Variants in DLG4 observed in about 807,000 individuals in gnomAD.
The protein encoded by DLG4 is discs large MAGUK scaffold protein 4.
DLG4 carries 7 observed loss-of-function variants against 93.8 expected under a neutral mutation model. That is an observed-to-expected ratio of 0.07 (90% CI 0.04 to 0.14). The LOEUF is 0.14. DLG4 is among the 10% of genes least tolerant of loss of function. DLG4 has a pLI of 1.00. For missense variants in DLG4, 545 were observed against 992.9 expected (o/e 0.55, Z 6.06); for synonymous variants, 341 against 387.6 (o/e 0.88, Z 1.41).
Position 7,193,943 on chromosome 17 carries a change from C to A in DLG4, c.1515+21G>T, listed in dbSNP as rs770613600. On this transcript the variant is annotated intron_variant, in intron 13 of 19. Transcript: ENST00000399506. The surrounding 1 kb of genome is among the most constrained non-coding windows in gnomAD (Gnocchi z 6.7). ...ATGAGCCCTCACACTTCCACCCAGG[C>A]TCACACCCTCCTCCACCTACCTTGG... 2.5e-6 allele frequency: 4 copies of A among 1,613,624 alleles called. No individual in the cohort carries two copies. The highest frequency in any genetic ancestry group is 3.4e-6 in the Non-Finnish European group (4 of 1,179,810).
chr17:7,217,675 G>A, upstream of DLG4: 1 of 1,487,208 alleles, frequency 6.7e-7, no homozygotes, highest in Non-Finnish European at 9.0e-7. Flanking sequence ...GCCAGAATGG[G>A]GGGGGTGCCT....
rs61283875 is a variant in DLG4 at position 7,187,547 on chromosome 17, C to CAATAATAATAATAATAATAAT, written c.*3140_*3160dup. Among the ~76,000 whole-genome samples the CAATAATAATAATAATAATAAT allele has an allele frequency of 4.8e-5, 7 of 145,808 alleles. No homozygotes were observed. The highest frequency in any genetic ancestry group is 1.0e-4 in the African/African-American group (4 of 39,558). On this transcript the variant is annotated 3_prime_UTR_variant, in exon 20 of 20. Coordinates refer to ENST00000399506, the MANE Select transcript of DLG4 (RefSeq NM_001321075.3). ...GGCAACAAGAGCGAAACTCTGTCTCCAATAATAATAATAATAATAATAATA... is the reference window on the plus strand; with the variant it reads ...GGCAACAAGAGCGAAACTCTGTCTCCAATAATAATAATAATAATAATAATAATAATAATAATAATAATAATA...
intron 1 of DLG4, chr17:7,211,791 T>TGCGGCGGCC (rs2070719109): frequency 4.1e-5 from 2 of 49,258 alleles, no homozygotes; most frequent in Admixed American, 3.0e-4. Flanking sequence ...GGGCGGGGGC[T>TGCGGCGGCC]GCGGCGGCCG....
intron 17 of DLG4, 174 bp from the exon 18 acceptor site, chr17:7,192,176 C>T: frequency 2.1e-6 from 1 of 467,440 alleles, no homozygotes; most frequent in South Asian, 4.1e-5. Context: ...CGGGTATGGA[C>T]AGAGTAAAAG....
Position 7,191,560 on chromosome 17 carries a change from C to T in DLG4, c.1977-202G>A. 2 of 613,412 alleles carry T rather than the reference C, an allele frequency of 3.3e-6. No homozygotes were observed. Among genetic ancestry groups the T allele is most frequent in the Non-Finnish European group, 5.8e-6 (2 of 344,996 alleles). 38.0% of individuals were successfully genotyped at this position (613,412 alleles called of 1,614,324 possible). A position where few individuals can be genotyped will look rare whatever the true frequency, so the allele number is the denominator to read the frequency against. ...CCGCAACCGCCCCAGCCAGGTGTGGCTACTCCAGGGACATCTACGGAGCTT... is the reference window on the plus strand; with the variant it reads ...CCGCAACCGCCCCAGCCAGGTGTGGTTACTCCAGGGACATCTACGGAGCTT... On this transcript the variant is annotated intron_variant, in intron 18 of 19. Coordinates refer to ENST00000399506, the MANE Select transcript of DLG4 (RefSeq NM_001321075.3). This position sits in a 1 kb window ranked among gnomAD's most constrained non-coding sequence, Gnocchi z 6.6.
In DLG4 at chr17:7,194,011, CAT is replaced by C; in HGVS notation, c.1479-13_1479-12del. On this transcript the variant is annotated splice_polypyrimidine_tract_variant and intron_variant, in intron 12 of 19. Coordinates refer to ENST00000399506, the MANE Select transcript of DLG4 (RefSeq NM_001321075.3). The surrounding 1 kb of genome is among the most constrained non-coding windows in gnomAD (Gnocchi z 4.4). Reference sequence around the variant, plus strand: ...TCTCGTCGCTCAACCCTGTGGGATACATGGAGGGATACGCGGGTAGGGGAATG... The same window carrying C: ...TCTCGTCGCTCAACCCTGTGGGATACGGAGGGATACGCGGGTAGGGGAATG... 6.2e-7 allele frequency: 1 copy of C among 1,613,372 alleles called. No individual in the cohort carries two copies. Among genetic ancestry groups the C allele is most frequent in the Non-Finnish European group, 8.5e-7 (1 of 1,179,688 alleles).
chr17:7,215,530 A>T (rs993199571), intron 1 of DLG4, among the ~76,000 whole-genome samples: 1 of 152,222 alleles, frequency 6.6e-6, no homozygotes, highest in Non-Finnish European at 1.5e-5. Flanking sequence ...GGCAGGAGAC[A>T]GCGGGAGCAG....
chr17:7,208,250 G>T lies in DLG4; in HGVS notation c.31-11C>A. The T allele has an allele frequency of 2.3e-6, 3 of 1,312,110 alleles. No individual in the cohort carries two copies. The highest frequency in any genetic ancestry group is 2.9e-6 in the Non-Finnish European group (3 of 1,021,522). The allele number at this position is 1,312,110 out of a possible 1,614,324, so 81.3% of individuals were successfully genotyped here. On this transcript the variant is annotated splice_polypyrimidine_tract_variant and intron_variant, in intron 1 of 19. Coordinates refer to ENST00000399506, the MANE Select transcript of DLG4 (RefSeq NM_001321075.3). This position sits in a 1 kb window ranked among gnomAD's most constrained non-coding sequence, Gnocchi z 5.4. ...TTGGTAGCGGTATTTCTGGGGATGG[G>T]GACGGAGGTGTCACTGGGGCCAGCC... is the stretch of plus-strand genomic sequence containing the variant.
In DLG4 at chr17:7,213,974, G is replaced by A. The variant is rs1363842187; in HGVS notation, c.30+3144C>T. ...CTAGAATAGAAAACCTGCAGGCCCT[G>A]CTTATCCACCAGTGGGCGCCATGGC... is the stretch of plus-strand genomic sequence containing the variant. On this transcript the variant is annotated intron_variant, in intron 1 of 19. Transcript: ENST00000399506. 2.4e-5 allele frequency: 10 copies of A among 412,830 alleles called. No individual in the cohort carries two copies. The East Asian group carries it at 7.4e-4, about 31-fold the overall frequency. 25.6% of individuals were successfully genotyped at this position (412,830 alleles called of 1,614,324 possible).
chr17:7,214,084 C>CT (rs1489365871), intron 1 of DLG4, among the ~76,000 whole-genome samples: 1 of 152,184 alleles, frequency 6.6e-6, no homozygotes, highest in African/African-American at 2.4e-5. Flanking sequence ...CAATCAAGGA[C>CT]TTTGCCGTCG....
Position 7,196,723 on chromosome 17 carries a change from G to A in DLG4, c.1083+34C>T. ...GCTCTGCGCTCTGCCCTGTGGGGAG[G>A]GGGTGGTGCAGGTAGGGGCAGGCCT... On this transcript the variant is annotated intron_variant, in intron 9 of 19. Coordinates refer to ENST00000399506, the MANE Select transcript of DLG4 (RefSeq NM_001321075.3). The surrounding 1 kb of genome is among the most constrained non-coding windows in gnomAD (Gnocchi z 8.3). The A allele has an allele frequency of 6.3e-7, 1 of 1,586,300 alleles. No individual in the cohort carries two copies. The highest frequency in any genetic ancestry group is 8.6e-7 in the Non-Finnish European group (1 of 1,166,246).
chr17:7,190,733 C>A lies in DLG4; in HGVS notation c.2150G>T (p.Trp717Leu). The A allele has an allele frequency of 6.2e-7, 1 of 1,613,726 alleles. No individual in the cohort carries two copies. Among genetic ancestry groups the A allele is most frequent in the South Asian group, 1.1e-5 (1 of 91,072 alleles). The change falls in exon 20 of 20, where the codon TGG (tryptophan) becomes TTG (leucine). Residue 717 changes from tryptophan (W) to leucine (L), a missense_variant. By Grantham distance (61) the Trp-to-Leu change is moderately conservative. Around this residue, in one of 5 missense-constraint regions of DLG4, gnomAD observed 428 missense variants for 741.4 expected, o/e 0.58. Coordinates refer to ENST00000399506, the MANE Select transcript of DLG4 (RefSeq NM_001321075.3). Reference protein sequence around the residue: ...VIEDLSGPYIWVPARERL With the variant: ...VIEDLSGPYILVPARERL ...TCAGAGTCTCTCTCGGGCTGGAACC[C>A]AGATGTAGGGGCCTGAGAGGTCCTC...
In DLG4 at chr17:7,190,810, G is replaced by A. The variant is rs377529208; in HGVS notation, c.2073C>T (p.Ile691=). The change falls in exon 20 of 20, where the codon ATC becomes ATT. Residue 691 remains isoleucine (I), a synonymous_variant. Coordinates refer to ENST00000399506, the MANE Select transcript of DLG4 (RefSeq NM_001321075.3). ...TCTCCTCAAAGCTGTCACCCTCCAC[G>A]ATGGCTGGGAGTGGGGTGGAGCAGG... ...EQEFTECFSA[I]VEGDSFEEIY... is the part of the protein sequence containing the mutation. 3.7e-6 allele frequency: 6 copies of A among 1,612,724 alleles called. No homozygotes were observed. The highest frequency in any genetic ancestry group is 4.2e-6 in the Non-Finnish European group (5 of 1,179,358).
At chr17:7,210,012 A>T (rs1228260850) in intron 1 of DLG4, among the ~76,000 whole-genome samples, 2 of 152,206 alleles carry the variant, frequency 1.3e-5, no homozygotes, top group Non-Finnish European at 2.9e-5. Context: ...ACTGCACTCT[A>T]GCCTGGCGAC....
Position 7,193,621 on chromosome 17 carries a change from TG to T in DLG4, c.1592-38del. On this transcript the variant is annotated intron_variant, in intron 15 of 19. Coordinates refer to ENST00000399506, the MANE Select transcript of DLG4 (RefSeq NM_001321075.3). The surrounding 1 kb of genome is among the most constrained non-coding windows in gnomAD (Gnocchi z 6.7). ...GCCTGGCTTAGGCCGAGCGCAGGGTTGGGGGAGCAGCAAGTGCTGGGGCCAA... is the reference window on the plus strand; with the variant it reads ...GCCTGGCTTAGGCCGAGCGCAGGGTTGGGGAGCAGCAAGTGCTGGGGCCAA... 1 of 1,529,838 alleles carries T rather than the reference TG, an allele frequency of 6.5e-7. No homozygotes were observed. The highest frequency in any genetic ancestry group is 8.8e-7 in the Non-Finnish European group (1 of 1,141,122). 94.8% of individuals were successfully genotyped at this position (1,529,838 alleles called of 1,614,324 possible).
rs773360040 is a variant in DLG4 at position 7,196,874 on chromosome 17, G to A, written c.966C>T (p.Gly322=). The A allele has an allele frequency of 3.1e-6, 5 of 1,613,884 alleles. No homozygotes were observed. Among genetic ancestry groups the A allele is most frequent in the African/African-American group, 1.3e-5 (1 of 75,028 alleles). Reference sequence around the variant, plus strand: ...CGCCACCCACGATGTTGAAGCCCAGGCCCGTGGAGCCCCGGTGGATCACAA... The same window carrying A: ...CGCCACCCACGATGTTGAAGCCCAGACCCGTGGAGCCCCGGTGGATCACAA... ...RRIVIHRGST[G]LGFNIVGGED... is the part of the protein sequence containing the mutation. The change falls in exon 9 of 20, where the codon GGC becomes GGT. Residue 322 remains glycine (G), a synonymous_variant. Transcript: ENST00000399506. The surrounding 1 kb of genome is among the most constrained non-coding windows in gnomAD (Gnocchi z 8.3).
rs539887096 is a variant in DLG4, at chr17:7,188,054, A to G, written c.*2654T>C. On this transcript the variant is annotated 3_prime_UTR_variant, in exon 20 of 20. Coordinates refer to ENST00000399506, the MANE Select transcript of DLG4 (RefSeq NM_001321075.3). ...CATTGCACTCCAGCTTGGGCAACAA[A>G]AGTGAAACTCGACCTCAAAAAAAAA... Among the ~76,000 whole-genome samples the G allele has an allele frequency of 2.9e-5, 4 of 140,108 alleles. No homozygotes were observed. In the East Asian group the frequency reaches 8.4e-4, roughly 29 times the overall value. The allele number at this position is 140,108 out of a possible 152,430, so 91.9% of individuals were successfully genotyped here.
At position 7,195,956 on chromosome 17, in the gene DLG4, C is replaced by T. The variant is rs551145894; in HGVS notation, c.1301+264G>A. ...TCGAGACGCCAAATTGTGGGGTGGC[C>T]TGGGAGTCCCGGGGAAGTGCTGGGA... On this transcript the variant is annotated intron_variant, in intron 11 of 19. Transcript: ENST00000399506. This position sits in a 1 kb window ranked among gnomAD's most constrained non-coding sequence, Gnocchi z 4.3. Among the ~76,000 whole-genome samples the T allele has an allele frequency of 6.6e-6, 1 of 152,330 alleles. No homozygotes were observed. The highest frequency in any genetic ancestry group is 1.5e-5 in the Non-Finnish European group (1 of 68,032).
intron 8 of DLG4, among the ~76,000 whole-genome samples, chr17:7,198,122 T>A (rs1011357443): frequency 6.6e-6 from 1 of 152,128 alleles, no homozygotes; most frequent in African/African-American, 2.4e-5. Flanking sequence ...ACCGCCTGGT[T>A]CTGATAAGTA....
Sources: allele counts gnomAD v4.1 joint callset (sites outside exome capture counted in the v4.1 genomes callset), GRCh38; gene constraint gnomAD v4.1.1; regional missense constraint gnomAD v4.1.1; non-coding constraint Gnocchi (gnomAD v3.1); transcripts MANE v1.5; gene names NCBI Gene and HGNC (gene_info 2026-07-23, HGNC 2026-07-21).